The following KRT20 variants were observed in gnomAD, a reference collection of about 807,000 sequenced individuals.
KRT20 encodes the protein keratin 20.
In KRT20, 41 loss-of-function variants were observed where a neutral mutation model predicts 43.0. The observed-to-expected ratio is 0.95, with a 90% confidence interval of 0.74 to 1.24. The LOEUF (loss-of-function observed/expected upper bound fraction) is 1.24. Ranked by LOEUF, KRT20 falls within the 50% of genes most tolerant of loss-of-function variation. The pLI is 0.00. For missense variants in KRT20, 533 were observed against 521.2 expected, an observed-to-expected ratio of 1.02 and a Z score of -0.22; for synonymous variants, 207 against 200.6, an observed-to-expected ratio of 1.03 and a Z score of -0.27.
At chr17:40,879,393 C>G (rs1487176669) in intron 5 of KRT20, among the ~76,000 whole-genome samples, 2 of 151,924 alleles carry the variant, frequency 1.3e-5, no homozygotes, top group Non-Finnish European at 2.9e-5. Context: ...ACATGGGGGC[C>G]TAACAGAGGG....
intron 1 of KRT20, among the ~76,000 whole-genome samples, chr17:40,884,179 AT>A (rs1907712110): frequency 6.6e-6 from 1 of 152,140 alleles, no homozygotes; most frequent in African/African-American, 2.4e-5. Context: ...ATAAACATGA[AT>A]TGGGGGCAAT....
At chr17:40,880,519 C>A in intron 3 of KRT20, 95 bp downstream of exon 3, 1 of 1,085,690 alleles carries the variant, frequency 9.2e-7, no homozygotes, top group Non-Finnish European at 1.3e-6. Flanking sequence ...ACCACCAACT[C>A]TTCCCCCTTC....
At chr17:40,877,119 T>A (rs535177703) in intron 7 of KRT20, among the ~76,000 whole-genome samples, 1 of 152,326 alleles carries the variant, frequency 6.6e-6, no homozygotes, top group Non-Finnish European at 1.5e-5. Flanking sequence ...ATGGACACTC[T>A]TTTGCACTTC....
rs954706741 is a variant in KRT20 at position 40,875,913 on chromosome 17, C to T, written c.*448G>A. The T allele has an allele frequency of 6.5e-6, 1 of 152,830 alleles. No individual in the cohort carries two copies. The highest frequency in any genetic ancestry group is 6.5e-5 in the Admixed American group (1 of 15,400). 9.5% of individuals were successfully genotyped at this position (152,830 alleles called of 1,614,324 possible). On this transcript the variant is annotated 3_prime_UTR_variant, in exon 8 of 8. Transcript: ENST00000167588. ...ACCCAGAAATTGGCTCAATAAGAAA[C>T]CAGGGACTCCCAAAGGGGGTTTTAC...
In KRT20 at chr17:40,885,224, G is replaced by A; in HGVS notation, c.-39C>T. ...AGGGAGCACCTGTAGCTTCAGGATG[G>A]TTGGGGCAGAGTGTGTCTCATGGAG... On this transcript the variant is annotated 5_prime_UTR_variant, in exon 1 of 8. Transcript: ENST00000167588. 6.5e-7 allele frequency: 1 copy of A among 1,542,746 alleles called. No homozygotes were observed. The highest frequency in any genetic ancestry group is 8.7e-7 in the Non-Finnish European group (1 of 1,147,924).
intron 1 of KRT20, 69 bp from the exon 2 acceptor site, chr17:40,882,723 T>TTATTTATC (rs2143314129): frequency 1.6e-6 from 1 of 633,366 alleles, no homozygotes; most frequent in African/African-American, 2.0e-5. Flanking sequence ...ATTTATTTAT[T>TTATTTATC]TATTGAGACA....
intron 1 of KRT20, 39 bp downstream of exon 1, chr17:40,884,757 G>GCTAAA: frequency 6.3e-7 from 1 of 1,579,070 alleles, no homozygotes. Context: ...TTATCTTGAA[G>GCTAAA]CTAAACACAG....
chr17:40,882,689 TTTTATTTATTTATTTATTTA>T (rs57044103), intron 1 of KRT20, 35 bp from the exon 2 acceptor site: 1 of 528,420 alleles, frequency 1.9e-6, no homozygotes, highest in African/African-American at 2.3e-5. Context: ...ACATTTTCTT[TTTTATTTATTTATTTATTTA>T]TTTATTTATT....
At position 40,878,161 on chromosome 17, in the gene KRT20, C is replaced by A; in HGVS notation, c.1123G>T (p.Glu375Ter). 2 of 1,613,934 alleles carry A rather than the reference C, an allele frequency of 1.2e-6. No individual in the cohort carries two copies. Among genetic ancestry groups the A allele is most frequent in the Non-Finnish European group, 1.7e-6 (2 of 1,179,854 alleles). ...QEIATYRRLL[E>*]GEDVKTTEYQ... is the part of the protein sequence containing the mutation. The stretch of plus-strand genomic sequence containing the variant: ...GAGCCTTACTTTACGTCTTCTCCTT[C>A]CAGAAGGCGGCGGTAAGTAGCAATT... Residue 375 changes from glutamate to a stop codon, truncating the protein, a stop_gained, in exon 6 of 8, where the codon GAA (glutamate) becomes TAA (stop). Coordinates refer to ENST00000167588, the MANE Select transcript of KRT20 (RefSeq NM_019010.3). LOFTEE classifies it high-confidence loss of function.
In KRT20 at chr17:40,885,099, G is replaced by A; in HGVS notation, c.87C>T (p.Leu29=). The change falls in exon 1 of 8, where the codon CTC becomes CTT. Residue 29 remains leucine, a synonymous_variant. Transcript: ENST00000167588. Reference sequence around the variant, plus strand: ...CCCCATAAACGCTGGGTGTCGTCCCGAGGCGCTGCATGCCCACTGTACTGA... The same window carrying A: ...CCCCATAAACGCTGGGTGTCGTCCCAAGGCGCTGCATGCCCACTGTACTGA... The part of the protein sequence containing the change: ...PVVSTVGMQR[L]GTTPSVYGGA... The A allele has an allele frequency of 6.2e-7, 1 of 1,613,972 alleles. No homozygotes were observed. The highest frequency in any genetic ancestry group is 1.1e-5 in the South Asian group (1 of 91,088).
Position 40,885,178 on chromosome 17 carries a change from A to T in KRT20, c.8T>A (p.Phe3Tyr). The T allele has an allele frequency of 6.3e-7, 1 of 1,599,286 alleles. No homozygotes were observed. Among genetic ancestry groups the T allele is most frequent in the Non-Finnish European group, 8.5e-7 (1 of 1,174,142 alleles). Residue 3 changes from phenylalanine to tyrosine, a missense_variant, in exon 1 of 8, where the codon TTC becomes TAC. Transcript: ENST00000167588. MD[F>Y]SRRSFHRSLS... ...GCTTCTGTGGAAGCTTCTGCGACTG[A>T]AATCCATTGGAGATTCCAGGAGGGA...
At position 40,876,154 on chromosome 17, in the gene KRT20, T is replaced by G. The variant is rs1357995664; in HGVS notation, c.*207A>C. 9.2e-6 allele frequency: 4 copies of G among 433,524 alleles called. No homozygotes were observed. The highest frequency in any genetic ancestry group is 1.6e-5 in the Non-Finnish European group (4 of 243,026). 26.9% of individuals were successfully genotyped at this position (433,524 alleles called of 1,614,324 possible). A position where few individuals can be genotyped will look rare whatever the true frequency, so the allele number is the denominator to read the frequency against. ...TATTCTAGTGCTCACTGGATTTCAT[T>G]TTTGCAGGCAATTTGCAGCTCCTCT... On this transcript the variant is annotated 3_prime_UTR_variant, in exon 8 of 8. Coordinates refer to ENST00000167588, the MANE Select transcript of KRT20 (RefSeq NM_019010.3).
In KRT20 at chr17:40,878,094, T is replaced by C. The variant is rs1417173557; in HGVS notation, c.1139+51A>G. 4.9e-6 allele frequency: 7 copies of C among 1,429,196 alleles called. No individual in the cohort carries two copies. In the East Asian group the frequency reaches 9.1e-5, roughly 19 times the overall value. The allele number at this position is 1,429,196 out of a possible 1,614,324, so 88.5% of individuals were successfully genotyped here. On this transcript the variant is annotated intron_variant, in intron 6 of 7. Coordinates refer to ENST00000167588, the MANE Select transcript of KRT20 (RefSeq NM_019010.3). ...GTAATGAGTGACAGGGACATTAAAA[T>C]AGAAGTGCATACAGATATTGACACC... is the stretch of plus-strand genomic sequence containing the variant.
At position 40,880,219 on chromosome 17, in the gene KRT20, C is replaced by A; in HGVS notation, c.673G>T (p.Val225Leu). Residue 225 changes from valine (V) to leucine (L), a missense_variant, in exon 4 of 8, where the codon GTG (valine) becomes TTG (leucine). Transcript: ENST00000167588. ...LHKHLGNTVNVEVDAAPGLNL... is the reference protein window; with the variant it reads ...LHKHLGNTVNLEVDAAPGLNL... ...AGGCCTGGAGCAGCATCAACCTCCA[C>A]ATTGACAGTGTTGCCCAGATGCTTG... The A allele has an allele frequency of 1.9e-6, 3 of 1,613,760 alleles. No individual in the cohort carries two copies. In the South Asian group the frequency reaches 3.3e-5, roughly 18 times the overall value.
intron 1 of KRT20, 76 bp downstream of exon 1, chr17:40,884,720 C>T: frequency 8.0e-6 from 12 of 1,492,964 alleles, no homozygotes; most frequent in Non-Finnish European, 1.1e-5. Context: ...TCCATTTGGA[C>T]CTACCTAACA....
Position 40,880,788 on chromosome 17 carries a change from T to C in KRT20, c.474-18A>G. On this transcript the variant is annotated intron_variant, in intron 2 of 7. Coordinates refer to ENST00000167588, the MANE Select transcript of KRT20 (RefSeq NM_019010.3). ...TCTCATACCTGTGAATTAATTAGTGTACAGAGATAACTGGTCCTTCTGAAG... is the reference window on the plus strand; with the variant it reads ...TCTCATACCTGTGAATTAATTAGTGCACAGAGATAACTGGTCCTTCTGAAG... 6.7e-7 allele frequency: 1 copy of C among 1,488,212 alleles called. No individual in the cohort carries two copies. Among genetic ancestry groups the C allele is most frequent in the Non-Finnish European group, 8.9e-7 (1 of 1,119,138 alleles). The allele number at this position is 1,488,212 out of a possible 1,614,324, so 92.2% of individuals were successfully genotyped here. A position where few individuals can be genotyped will look rare whatever the true frequency, so the allele number is the denominator to read the frequency against.
Position 40,878,378 on chromosome 17 carries a change from GA to G in KRT20, c.919-14del. 2 of 1,586,744 alleles carry G rather than the reference GA, an allele frequency of 1.3e-6. No homozygotes were observed. The highest frequency in any genetic ancestry group is 1.7e-6 in the Non-Finnish European group (2 of 1,157,260). On this transcript the variant is annotated splice_polypyrimidine_tract_variant and intron_variant, in intron 5 of 7. Transcript: ENST00000167588. ...CCAAAGACTCTTTCTATGAGCACAA[GA>G]AAAATAGGGCACTTCTTATGTGAGG... is the stretch of plus-strand genomic sequence containing the variant.
rs115682215 is a variant in KRT20 at position 40,884,492 on chromosome 17, G to T, written c.390+304C>A. Among the ~76,000 whole-genome samples, 695 of 152,284 alleles carry T rather than the reference G, an allele frequency of 4.6e-3. 5 individuals carry two copies. The highest frequency in any genetic ancestry group is 0.016 in the African/African-American group (659 of 41,560). On this transcript the variant is annotated intron_variant, in intron 1 of 7. Transcript: ENST00000167588. ...ATTAATTTTTAGCTCTTTTCAGAAA[G>T]ATTGTTCACTATACATTTAGCCCTG...
At position 40,878,322 on chromosome 17, in the gene KRT20, T is replaced by C; in HGVS notation, c.962A>G (p.Tyr321Cys). 6.2e-7 allele frequency: 1 copy of C among 1,614,068 alleles called. No individual in the cohort carries two copies. Among genetic ancestry groups the C allele is most frequent in the Non-Finnish European group, 8.5e-7 (1 of 1,179,944 alleles). ...EHTLEETKAR[Y>C]SSQLANLQSL... Reference sequence around the variant, plus strand: ...CTGGAGGTTGGCTAACTGGCTGCTGTAACGGGCCTTGGTCTCCTCTAGAGT... The same window carrying C: ...CTGGAGGTTGGCTAACTGGCTGCTGCAACGGGCCTTGGTCTCCTCTAGAGT... The change falls in exon 6 of 8, where the codon TAC (tyrosine) becomes TGC (cysteine). Residue 321 changes from tyrosine (Y) to cysteine (C), a missense_variant. By Grantham distance (194) the Tyr-to-Cys change is radical (BLOSUM62 -2). Coordinates refer to ENST00000167588, the MANE Select transcript of KRT20 (RefSeq NM_019010.3).
Sources: gnomAD v4.1 joint callset for allele counts (sites outside exome capture counted in the v4.1 genomes callset) on GRCh38, gnomAD v4.1.1 for gene constraint, MANE v1.5 for transcripts, NCBI Gene and HGNC (gene_info 2026-07-23, HGNC 2026-07-21) for gene names.